The following LGR5 variants were observed in gnomAD, a reference collection of about 807,000 sequenced individuals.
The protein encoded by LGR5 is leucine-rich repeat-containing G protein-coupled receptor 5.
Under a neutral mutation model 76.7 loss-of-function variants are expected in LGR5, and 54 were observed. The ratio of observed to expected loss-of-function variants is 0.70; its 90% CI spans 0.57 to 0.88. LGR5 has a LOEUF of 0.88. Ranked by LOEUF, LGR5 falls within the 40% of genes least tolerant of loss-of-function variation. The probability of loss-of-function intolerance (pLI) is 0.00; values close to 1 mark genes in which losing one functional copy is unlikely to be tolerated. For missense variants in LGR5, 1,078 were observed against 1,073.3 expected, an observed-to-expected ratio of 1.00 and a Z score of -0.06; for synonymous variants, 406 against 421.9, an observed-to-expected ratio of 0.96 and a Z score of 0.46.
intron 1 of LGR5, among the ~76,000 whole-genome samples, chr12:71,464,289 A>G (rs1872779559): frequency 6.6e-6 from 1 of 152,148 alleles, no homozygotes; most frequent in Admixed American, 6.6e-5. Flanking sequence ...GCCAAGTAAT[A>G]TTTGTTGAAT....
At chr12:71,454,602 A>C (rs940962656) in intron 1 of LGR5, among the ~76,000 whole-genome samples, 1 of 152,168 alleles carries the variant, frequency 6.6e-6, no homozygotes, top group Non-Finnish European at 1.5e-5. Flanking sequence ...CAATACCCAA[A>C]GGAACTCAAA....
intron 1 of LGR5, among the ~76,000 whole-genome samples, chr12:71,461,855 A>C (rs1872698221): frequency 6.6e-6 from 1 of 152,112 alleles, no homozygotes; most frequent in South Asian, 2.1e-4. Context: ...ACCACTCTCC[A>C]GCATTGCACT....
At chr12:71,468,709 CTTTTTTTTTTTT>C (rs538254378) in intron 1 of LGR5, among the ~76,000 whole-genome samples, 2 of 70,064 alleles carry the variant, frequency 2.9e-5, no homozygotes, top group South Asian at 4.7e-4. Context: ...GTGGTAGCCT[CTTTTTTTTTTTT>C]TTTTTTTTTT....
In LGR5 at chr12:71,553,250, A is replaced by G. The variant is rs761754031; in HGVS notation, c.606A>G (p.Pro202=). The G allele has an allele frequency of 1.1e-5, 18 of 1,613,810 alleles. No individual in the cohort carries two copies. The Admixed American group carries it at 3.0e-4, about 27-fold the overall frequency. The change falls in exon 5 of 18, where the codon CCA becomes CCG. Residue 202 remains proline (P), a synonymous_variant. Coordinates refer to ENST00000266674, the MANE Select transcript of LGR5 (RefSeq NM_003667.4). ...TLALNKIHHI[P]DYAFGNLSSL... is the part of the protein sequence containing the mutation. ...CCCTGAACAAAATACACCACATACCAGACTATGCCTTTGGAAACCTCTCCA... is the reference window on the plus strand; with the variant it reads ...CCCTGAACAAAATACACCACATACCGGACTATGCCTTTGGAAACCTCTCCA...
chr12:71,551,961 A>G (rs1311376201), intron 4 of LGR5, among the ~76,000 whole-genome samples: 2 of 152,204 alleles, frequency 1.3e-5, no homozygotes, highest in Non-Finnish European at 1.5e-5. Flanking sequence ...GTCCTAAGAA[A>G]AAGGATAGGG....
Position 71,580,469 on chromosome 12 carries a change from G to A in LGR5, c.1552+46G>A, listed in dbSNP as rs772122927. ...GTAATGAAATTGTGTTGTGTTCAGT[G>A]GAACACATGGAAATGAATTATGTTT... On this transcript the variant is annotated intron_variant, in intron 16 of 17. Transcript: ENST00000266674. The A allele has an allele frequency of 3.2e-6, 5 of 1,541,194 alleles. No individual in the cohort carries two copies. The East Asian group carries it at 6.8e-5, about 21-fold the overall frequency.
upstream of LGR5, among the ~76,000 whole-genome samples, chr12:71,439,540 C>G (rs968582762): frequency 1.3e-5 from 2 of 151,944 alleles, no homozygotes; most frequent in African/African-American, 2.4e-5. Context: ...GTGGGGGGGT[C>G]CCCTATTCCG....
intron 8 of LGR5, among the ~76,000 whole-genome samples, chr12:71,565,422 C>CTATATATATATATATATA (rs1209363296): frequency 0.054 from 731 of 13,494 alleles, 5 homozygotes; most frequent in African/African-American, 0.065. Flanking sequence ...ATCAATTGAG[C>CTATATATATATATATATA]TATATATATA....
chr12:71,563,214 C>T (rs1414533235), intron 8 of LGR5, among the ~76,000 whole-genome samples: 1 of 152,184 alleles, frequency 6.6e-6, no homozygotes, highest in Non-Finnish European at 1.5e-5. Flanking sequence ...CTTGCTCCTG[C>T]ATCTGTTTCC....
At chr12:71,519,125 A>G (rs771908674) in intron 2 of LGR5, among the ~76,000 whole-genome samples, 1 of 152,072 alleles carries the variant, frequency 6.6e-6, no homozygotes, top group Non-Finnish European at 1.5e-5. Context: ...ACCTCCTGCC[A>G]TCCTCCTCCT....
At chr12:71,536,082 T>C (rs564692730) in intron 4 of LGR5, among the ~76,000 whole-genome samples, 2 of 152,316 alleles carry the variant, frequency 1.3e-5, no homozygotes, top group Admixed American at 6.5e-5. Flanking sequence ...ACACGTGTGA[T>C]ATATGCTGTA....
intron 15 of LGR5, among the ~76,000 whole-genome samples, chr12:71,579,799 T>C (rs952420854): frequency 6.6e-6 from 1 of 152,160 alleles, no homozygotes; most frequent in Non-Finnish European, 1.5e-5. Flanking sequence ...CCCTTCCCAG[T>C]CTCTATTAAG....
At chr12:71,537,505 A>G (rs1342121355) in intron 4 of LGR5, among the ~76,000 whole-genome samples, 1 of 152,044 alleles carries the variant, frequency 6.6e-6, no homozygotes, top group African/African-American at 2.4e-5. Flanking sequence ...AAAAGAAAAG[A>G]GCATGATAAA....
At chr12:71,526,929 A>G (rs146169072) in intron 3 of LGR5, among the ~76,000 whole-genome samples, 1 of 152,202 alleles carries the variant, frequency 6.6e-6, no homozygotes, top group Non-Finnish European at 1.5e-5. Flanking sequence ...ATGAACAGGT[A>G]GCTCCAAGCA....
intron 2 of LGR5, among the ~76,000 whole-genome samples, 169 bp downstream of exon 2, chr12:71,504,854 G>A (rs995075123): frequency 6.6e-6 from 1 of 152,172 alleles, no homozygotes; most frequent in Admixed American, 6.5e-5. Flanking sequence ...AAATAGAATT[G>A]CTTATGATTC....
At chr12:71,523,193 A>C (rs567008984) in intron 2 of LGR5, among the ~76,000 whole-genome samples, 2 of 152,302 alleles carry the variant, frequency 1.3e-5, no homozygotes, top group South Asian at 4.1e-4. Flanking sequence ...TTATATAAGA[A>C]ATGGCTTATT....
In LGR5 at chr12:71,559,632, A is replaced by G; in HGVS notation, c.763A>G (p.Thr255Ala). 2 of 1,561,012 alleles carry G rather than the reference A, an allele frequency of 1.3e-6. No homozygotes were observed. The highest frequency in any genetic ancestry group is 1.8e-6 in the Non-Finnish European group (2 of 1,132,196). ...TGATGAATTCCCCACTGCAATTAGG[A>G]CACTCTCCAACCTTAAAGAACTGTA... ...NLDEFPTAIRTLSNLKELGFH... is the reference protein window; with the variant it reads ...NLDEFPTAIRALSNLKELGFH... The change falls in exon 7 of 18, where the codon ACA becomes GCA. Residue 255 changes from threonine to alanine, a missense_variant. Transcript: ENST00000266674.
intron 4 of LGR5, among the ~76,000 whole-genome samples, chr12:71,546,535 G>A (rs1000715620): frequency 6.6e-6 from 1 of 151,912 alleles, no homozygotes; most frequent in African/African-American, 2.4e-5. Context: ...TTCCTCTCTG[G>A]CCACATCTGG....
chr12:71,530,466 G>A (rs1876248682), intron 3 of LGR5, among the ~76,000 whole-genome samples: 1 of 152,172 alleles, frequency 6.6e-6, no homozygotes. Context: ...GGACAAAGAA[G>A]AGAAAAATAA....
Sources: gnomAD v4.1 joint callset for allele counts (sites outside exome capture counted in the v4.1 genomes callset) on GRCh38, gnomAD v4.1.1 for gene constraint, MANE v1.5 for transcripts, NCBI Gene and HGNC (gene_info 2026-07-23, HGNC 2026-07-21) for gene names.